Variants in LZTFL1 observed in about 807,000 individuals in gnomAD.
LZTFL1 encodes the protein leucine zipper transcription factor-like protein 1.
A neutral mutation model predicts 45.9 loss-of-function variants in LZTFL1; 25 were observed. The observed-to-expected ratio is 0.54, with a 90% CI of 0.40 to 0.76. The LOEUF (loss-of-function observed/expected upper bound fraction) is 0.76. Ranked by LOEUF, LZTFL1 falls within the 30% of genes least tolerant of loss-of-function variation. The pLI is 0.00. For missense variants in LZTFL1, 277 were observed against 331.1 expected (o/e 0.84, Z 1.27); for synonymous variants, 93 against 117.4 (o/e 0.79, Z 1.35).
At chr3:45,891,652 T>C (rs1444466912) in intron 2 of LZTFL1, among the ~76,000 whole-genome samples, 1 of 152,172 alleles carries the variant, frequency 6.6e-6, no homozygotes, top group African/African-American at 2.4e-5. Context: ...ACAGCACCTA[T>C]TGTAATGCCC....
At chr3:45,889,476 T>C (rs1177533209) in intron 2 of LZTFL1, among the ~76,000 whole-genome samples, 1 of 152,152 alleles carries the variant, frequency 6.6e-6, no homozygotes, top group Non-Finnish European at 1.5e-5. Context: ...CGTTAGAGCA[T>C]TGGGCTTCTT....
At chr3:45,843,549 G>T (rs547184179), upstream of LZTFL1, among the ~76,000 whole-genome samples, 8 of 152,298 alleles carry the variant, frequency 5.3e-5, no homozygotes, top group Admixed American at 3.3e-4. Flanking sequence ...ATTGCGAAGT[G>T]TTATCAATTC....
chr3:45,861,834 A>C (rs1701495934), intron 2 of LZTFL1, among the ~76,000 whole-genome samples: 1 of 152,188 alleles, frequency 6.6e-6, no homozygotes, highest in South Asian at 2.1e-4. Flanking sequence ...TAAAAATGAA[A>C]TCTATTTATG....
intron 3 of LZTFL1, among the ~76,000 whole-genome samples, chr3:45,855,923 A>G (rs1161668233): frequency 6.6e-6 from 1 of 152,260 alleles, no homozygotes; most frequent in East Asian, 1.9e-4. Context: ...ATGAAAAAAT[A>G]TTCCATGCTT....
At position 45,901,041 on chromosome 3, in the gene LZTFL1, A is replaced by T; in HGVS notation, c.-215+12079T>A. ...CACAAGAGTGAAGACCATGACCGAC[A>T]TGTTCCTTTTGAATTTGGCAATTGC... On this transcript the variant is annotated intron_variant, in intron 2 of 4. Coordinates refer to the LZTFL1 transcript ENST00000472635. This position sits in a 1 kb window ranked among gnomAD's most constrained non-coding sequence, Gnocchi z 4.3. 6.2e-7 allele frequency: 1 copy of T among 1,614,208 alleles called. No homozygotes were observed. The highest frequency in any genetic ancestry group is 8.5e-7 in the Non-Finnish European group (1 of 1,180,036).
chr3:45,914,690 G>A (rs1310537490), intron 1 of LZTFL1, among the ~76,000 whole-genome samples: 4 of 152,178 alleles, frequency 2.6e-5, no homozygotes, highest in Non-Finnish European at 4.4e-5. Flanking sequence ...TGACTCTGGA[G>A]CAAAACTGAG....
chr3:45,854,792 C>G (rs1197525532), intron 4 of LZTFL1, among the ~76,000 whole-genome samples: 1 of 152,182 alleles, frequency 6.6e-6, no homozygotes, highest in South Asian at 2.1e-4. Flanking sequence ...CTTATGAGTT[C>G]TCCTCTCTCT....
chr3:45,855,091 C>A (rs114676647), intron 3 of LZTFL1: 1 of 1,441,410 alleles, frequency 6.9e-7, no homozygotes, highest in South Asian at 1.2e-5. Flanking sequence ...AATGAGAGTT[C>A]GAGTTAAAAA....
chr3:45,847,227 T>C (rs1359085636), intron 4 of LZTFL1, among the ~76,000 whole-genome samples: 1 of 152,230 alleles, frequency 6.6e-6, no homozygotes, highest in Non-Finnish European at 1.5e-5. Context: ...GTTTCCTTGT[T>C]TGGCTGATGC....
At chr3:45,881,643 C>A (rs1035554829) in intron 2 of LZTFL1, among the ~76,000 whole-genome samples, 1 of 152,210 alleles carries the variant, frequency 6.6e-6, no homozygotes, top group African/African-American at 2.4e-5. Flanking sequence ...AACTGCGACA[C>A]ACGAAGAATG....
At chr3:45,908,049 G>A (rs1702715007) in intron 2 of LZTFL1, among the ~76,000 whole-genome samples, 1 of 152,202 alleles carries the variant, frequency 6.6e-6, no homozygotes, top group Non-Finnish European at 1.5e-5. Flanking sequence ...ATGACCTATA[G>A]GAAGCAGGGG....
intron 2 of LZTFL1, among the ~76,000 whole-genome samples, chr3:45,872,093 C>T (rs1010750013): frequency 6.6e-6 from 1 of 152,140 alleles, no homozygotes; most frequent in Admixed American, 6.5e-5. Flanking sequence ...CCCTCAACCA[C>T]AGCAGAATTT....
At chr3:45,895,204 A>C in intron 2 of LZTFL1, 1 of 538,884 alleles carries the variant, frequency 1.9e-6, no homozygotes, top group South Asian at 2.6e-5. Context: ...TAAACAGCTA[A>C]GGATTTTTAA....
At chr3:45,899,408 A>G (rs1481850105) in intron 2 of LZTFL1, among the ~76,000 whole-genome samples, 3 of 152,250 alleles carry the variant, frequency 2.0e-5, no homozygotes, top group Non-Finnish European at 2.9e-5. Flanking sequence ...ATATTTTGCT[A>G]TTTAAATATA....
chr3:45,831,127 T>G lies in LZTFL1; in HGVS notation c.468A>C (p.Arg156Ser), dbSNP rs1324065985. ...TAELLNKEIL[R>S]LQEENEKLKS... ...TCAATTTCTCATTCTCTTCTTGAAG[T>G]CTTAAAATTTCCTTTGTGAGTAAAT... The change falls in exon 6 of 10, where the codon AGA (arginine) becomes AGC (serine). Residue 156 changes from arginine to serine, a missense_variant. By Grantham distance (110) the Arg-to-Ser change is moderately radical. Coordinates refer to ENST00000296135, the MANE Select transcript of LZTFL1 (RefSeq NM_020347.4). 1.3e-6 allele frequency: 2 copies of G among 1,577,614 alleles called. No individual in the cohort carries two copies. Among genetic ancestry groups the G allele is most frequent in the South Asian group, 1.2e-5 (1 of 83,826 alleles).
At chr3:45,907,682 C>T (rs1050651409) in intron 2 of LZTFL1, among the ~76,000 whole-genome samples, 4 of 152,196 alleles carry the variant, frequency 2.6e-5, no homozygotes, top group Non-Finnish European at 5.9e-5. Flanking sequence ...AGTTAGAGCC[C>T]GGTTATCCTC....
intron 1 of LZTFL1, among the ~76,000 whole-genome samples, chr3:45,915,178 C>A (rs2125777567): frequency 6.6e-6 from 1 of 152,296 alleles, no homozygotes; most frequent in African/African-American, 2.4e-5. Flanking sequence ...CAGCTTCAGC[C>A]ACACCGACAC....
chr3:45,842,264 CA>C, upstream of LZTFL1: 1 of 1,110,698 alleles, frequency 9.0e-7, no homozygotes, highest in East Asian at 2.8e-5. Flanking sequence ...CTTTTTGTGC[CA>C]GTTCACTTTT....
chr3:45,866,447 G>T (rs1010401712), intron 2 of LZTFL1, among the ~76,000 whole-genome samples: 1 of 152,082 alleles, frequency 6.6e-6, no homozygotes, highest in Non-Finnish European at 1.5e-5. Context: ...AAAGTTTCAC[G>T]TCCACCATAC....
Sources: gnomAD v4.1 joint callset for allele counts (sites outside exome capture counted in the v4.1 genomes callset) on GRCh38, gnomAD v4.1.1 for gene constraint, Gnocchi (gnomAD v3.1) non-coding constraint, MANE v1.5 for transcripts, NCBI Gene and HGNC (gene_info 2026-07-23, HGNC 2026-07-21) for gene names.